Variants in HDAC4 observed in about 807,000 individuals in gnomAD.
The protein encoded by HDAC4 is histone deacetylase 4.
A neutral mutation model predicts 135.1 loss-of-function variants in HDAC4; 16 were observed. The observed-to-expected ratio is 0.12, with a 90% CI of 0.08 to 0.18. The LOEUF (loss-of-function observed/expected upper bound fraction) is 0.18. Ranked by LOEUF, HDAC4 falls within the 10% of genes least tolerant of loss-of-function variation. The probability of loss-of-function intolerance (pLI) is 1.00; values close to 1 mark genes in which losing one functional copy is unlikely to be tolerated. For missense variants in HDAC4, 1,143 were observed against 1,511.8 expected, an observed-to-expected ratio of 0.76 and a Z score of 4.05; for synonymous variants, 685 against 653.4, an observed-to-expected ratio of 1.05 and a Z score of -0.74.
rs903074696 is a variant in HDAC4, at chr2:239,352,076, A to G, written c.22+602T>C. ...ATGCTTCTGAAGCTCAGAGCAGGAC[A>G]AGCTTGCTTCCCAATCATGTGGGTC... On this transcript the variant is annotated intron_variant, in intron 2 of 26. Coordinates refer to ENST00000543185, the MANE Select transcript of HDAC4 (RefSeq NM_001378414.1). This position sits in a 1 kb window ranked among gnomAD's most constrained non-coding sequence, Gnocchi z 4.4. Among the ~76,000 whole-genome samples the G allele has an allele frequency of 2.6e-5, 4 of 152,200 alleles. No homozygotes were observed. The highest frequency in any genetic ancestry group is 5.9e-5 in the Non-Finnish European group (4 of 68,030).
chr2:239,242,974 G>T (rs990211276), intron 2 of HDAC4, among the ~76,000 whole-genome samples: 4 of 152,062 alleles, frequency 2.6e-5, no homozygotes, highest in Admixed American at 2.6e-4. Flanking sequence ...AAACCAGCGT[G>T]GTCAGGCCCA....
intron 4 of HDAC4, among the ~76,000 whole-genome samples, chr2:239,181,932 T>C (rs757731901): frequency 6.6e-6 from 1 of 152,126 alleles, no homozygotes; most frequent in Non-Finnish European, 1.5e-5. Context: ...AGACACTAAA[T>C]ATCCTAAGGT....
chr2:239,243,447 C>T (rs765131873), intron 2 of HDAC4, among the ~76,000 whole-genome samples: 2 of 152,146 alleles, frequency 1.3e-5, no homozygotes, highest in African/African-American at 2.4e-5. Context: ...CCACCGCTCC[C>T]GGCTGGATAA....
chr2:239,148,761 G>A lies in HDAC4; in HGVS notation c.734-4047C>T, dbSNP rs1272425932. On this transcript the variant is annotated intron_variant, in intron 7 of 26. Coordinates refer to ENST00000543185, the MANE Select transcript of HDAC4 (RefSeq NM_001378414.1). ...AGAAAGGAGGCCACGGAGCCCGGGA[G>A]AGGAGGCGGGGGCCAGGCCGGGAGA... 3.3e-5 allele frequency among the ~76,000 whole-genome samples: 5 copies of A among 152,254 alleles called. No homozygotes were observed. The East Asian group carries it at 7.7e-4, about 23-fold the overall frequency.
chr2:239,204,785 A>C (rs1367990709), intron 3 of HDAC4, among the ~76,000 whole-genome samples: 1 of 152,162 alleles, frequency 6.6e-6, no homozygotes, highest in Non-Finnish European at 1.5e-5. Flanking sequence ...CCCCAAGTCT[A>C]TCCTCTGGAG....
At chr2:239,113,802 G>A (rs765397017) in intron 13 of HDAC4, among the ~76,000 whole-genome samples, 4 of 152,164 alleles carry the variant, frequency 2.6e-5, no homozygotes, top group Admixed American at 6.5e-5. Context: ...ATGAAGCACC[G>A]TGTGTGTGCC....
At chr2:239,085,049 C>T (rs887497664) in intron 19 of HDAC4, among the ~76,000 whole-genome samples, 1 of 150,836 alleles carries the variant, frequency 6.6e-6, no homozygotes, top group Non-Finnish European at 1.5e-5. Flanking sequence ...CAGACACACA[C>T]ACACACACAC....
intron 11 of HDAC4, among the ~76,000 whole-genome samples, chr2:239,128,652 C>T (rs1189897135): frequency 1.3e-5 from 2 of 152,168 alleles, no homozygotes; most frequent in African/African-American, 2.4e-5. Flanking sequence ...TTTCAGGGGA[C>T]GCAAAGGCTA....
rs1054750386 is a variant in HDAC4, at chr2:239,373,139, T to C, written c.-219-20221A>G. Among the ~76,000 whole-genome samples, 2 of 152,110 alleles carry C rather than the reference T, an allele frequency of 1.3e-5. 1 individual carries two copies. Among genetic ancestry groups the C allele is most frequent in the Admixed American group, 1.3e-4 (2 of 15,276 alleles). On this transcript the variant is annotated intron_variant, in intron 1 of 26. Coordinates refer to ENST00000543185, the MANE Select transcript of HDAC4 (RefSeq NM_001378414.1). ...AGTGGGGGCTGAGTGAAGTATCTGC[T>C]TATTTCTCACATCAGGACATGTGAG...
intron 4 of HDAC4, among the ~76,000 whole-genome samples, chr2:239,178,016 C>T (rs151057654): frequency 5.8e-4 from 88 of 152,346 alleles, no homozygotes; most frequent in Non-Finnish European, 8.5e-4. Context: ...GGCTCCCGCA[C>T]GTCCTTCCGC....
chr2:239,064,772 C>A (rs1438421783), intron 24 of HDAC4, among the ~76,000 whole-genome samples: 1 of 152,164 alleles, frequency 6.6e-6, no homozygotes, highest in South Asian at 2.1e-4. Context: ...GAAGAAGACA[C>A]CCTTTTGTTC....
At position 239,313,661 on chromosome 2, in the gene HDAC4, C is replaced by A. The variant is rs567858065; in HGVS notation, c.22+39017G>T. 1.3e-5 allele frequency among the ~76,000 whole-genome samples: 2 copies of A among 152,176 alleles called. No homozygotes were observed. The highest frequency in any genetic ancestry group is 4.8e-5 in the African/African-American group (2 of 41,430). On this transcript the variant is annotated intron_variant, in intron 2 of 26. Coordinates refer to ENST00000543185, the MANE Select transcript of HDAC4 (RefSeq NM_001378414.1). The surrounding 1 kb of genome is among the most constrained non-coding windows in gnomAD (Gnocchi z 5.1). ...AGAGAAAGTTTCTTATGAAAATAAG[C>A]GCCTCAAAAGAAAGCCAACGTACAG...
At chr2:239,108,797 T>G (rs2038392569) in intron 14 of HDAC4, among the ~76,000 whole-genome samples, 2 of 152,106 alleles carry the variant, frequency 1.3e-5, no homozygotes, top group Admixed American at 1.3e-4. Context: ...CCTCTGACTG[T>G]GAAAAGAGGC....
At chr2:239,324,156 T>C (rs891471272) in intron 2 of HDAC4, among the ~76,000 whole-genome samples, 18 of 151,796 alleles carry the variant, frequency 1.2e-4, no homozygotes, top group Admixed American at 6.6e-5. Context: ...AAATCTGGGG[T>C]CTCTGGAAAA....
At chr2:239,364,653 T>C (rs1432260978) in intron 1 of HDAC4, among the ~76,000 whole-genome samples, 2 of 152,248 alleles carry the variant, frequency 1.3e-5, no homozygotes, top group Admixed American at 6.5e-5. Context: ...TCCTGGCTTG[T>C]GTACTTTTCT....
At chr2:239,184,963 TG>T (rs1175999742) in intron 4 of HDAC4, among the ~76,000 whole-genome samples, 20 of 112,416 alleles carry the variant, frequency 1.8e-4, no homozygotes, top group African/African-American at 5.5e-4. Context: ...ATGTGTCCTA[TG>T]GGGGGGGTCC....
chr2:239,380,348 G>A (rs893801189), intron 1 of HDAC4, among the ~76,000 whole-genome samples: 1 of 150,742 alleles, frequency 6.6e-6, no homozygotes, highest in African/African-American at 2.4e-5. Flanking sequence ...TTATACATAT[G>A]TTATAAATAC....
intron 2 of HDAC4, among the ~76,000 whole-genome samples, chr2:239,298,863 A>ATTTTTTTTTT (rs35449811): frequency 2.4e-5 from 2 of 82,988 alleles, no homozygotes; most frequent in Admixed American, 1.6e-4. Context: ...GCCATAGCCT[A>ATTTTTTTTTT]TTTTTTTTTT....
intron 18 of HDAC4, among the ~76,000 whole-genome samples, chr2:239,088,168 C>T (rs1289015982): frequency 1.3e-5 from 2 of 152,228 alleles, no homozygotes; most frequent in African/African-American, 4.8e-5. Context: ...GGCAGAAACG[C>T]TGTCCTCTGC....
Sources: allele counts gnomAD v4.1 joint callset (sites outside exome capture counted in the v4.1 genomes callset), GRCh38; gene constraint gnomAD v4.1.1; non-coding constraint Gnocchi (gnomAD v3.1); transcripts MANE v1.5; gene names NCBI Gene and HGNC (gene_info 2026-07-23, HGNC 2026-07-21).